Variants in TMEM232 observed in about 807,000 individuals in gnomAD.
TMEM232 encodes transmembrane protein 232.
Under a neutral mutation model 78.8 loss-of-function variants are expected in TMEM232, and 80 were observed. The ratio of observed to expected loss-of-function variants is 1.01; its 90% CI spans 0.85 to 1.22. The LOEUF is 1.22. Ranked by LOEUF, TMEM232 falls within the 50% of genes most tolerant of loss-of-function variation. The pLI is 0.00. For synonymous variants in TMEM232, 297 were observed against 254.3 expected (o/e 1.17, Z -1.60); for missense variants, 881 against 742.2 (o/e 1.19, Z -2.17).
intron 1 of TMEM232, among the ~76,000 whole-genome samples, chr5:110,686,056 T>G (rs1445687554): frequency 6.6e-6 from 1 of 151,998 alleles, no homozygotes; most frequent in Non-Finnish European, 1.5e-5. Flanking sequence ...GTATCAAAAC[T>G]CAATGAAACA....
rs1772231575 is a variant in TMEM232 at position 110,535,607 on chromosome 5, C to T, written c.1456-6772G>A. ...ATAAAATGTTAAAAATTAATGACACCACCAAAAAAGAGCTCCTCCTTTTTT... is the reference window on the plus strand; with the variant it reads ...ATAAAATGTTAAAAATTAATGACACTACCAAAAAAGAGCTCCTCCTTTTTT... On this transcript the variant is annotated intron_variant, in intron 11 of 13. Transcript: ENST00000455884. Among the ~76,000 whole-genome samples, 4 of 152,042 alleles carry T rather than the reference C, an allele frequency of 2.6e-5. No individual in the cohort carries two copies. In the South Asian group the frequency reaches 8.3e-4, roughly 32 times the overall value.
chr5:110,609,859 A>C (rs1781972299), intron 8 of TMEM232, among the ~76,000 whole-genome samples: 1 of 152,100 alleles, frequency 6.6e-6, no homozygotes, highest in South Asian at 2.1e-4. Context: ...GACTAAGGAA[A>C]ATAGATTACA....
chr5:110,659,391 T>A (rs1348359634), intron 2 of TMEM232, among the ~76,000 whole-genome samples: 1 of 152,130 alleles, frequency 6.6e-6, no homozygotes, highest in South Asian at 2.1e-4. Flanking sequence ...TAGACAAACA[T>A]AGATTGTTGG....
At chr5:110,542,536 A>T (rs1302049758) in intron 11 of TMEM232, among the ~76,000 whole-genome samples, 1 of 152,096 alleles carries the variant, frequency 6.6e-6, no homozygotes, top group Non-Finnish European at 1.5e-5. Flanking sequence ...CAGAATGAGA[A>T]TTCCATGATC....
At chr5:110,526,272 T>TA (rs747200050) in intron 12 of TMEM232, among the ~76,000 whole-genome samples, 108 of 144,486 alleles carry the variant, frequency 7.5e-4, no homozygotes, top group Non-Finnish European at 1.1e-3. Context: ...TAAGCAAAAT[T>TA]AAAAAAAAAA....
intron 8 of TMEM232, among the ~76,000 whole-genome samples, chr5:110,611,529 C>T (rs1782278777): frequency 6.6e-6 from 1 of 152,118 alleles, no homozygotes. Flanking sequence ...TCCACCCAGA[C>T]CTATCAGGCG....
chr5:110,511,765 C>T (rs114900544), intron 12 of TMEM232, among the ~76,000 whole-genome samples: 1 of 152,180 alleles, frequency 6.6e-6, no homozygotes, highest in Non-Finnish European at 1.5e-5. Flanking sequence ...CAACCTCAAA[C>T]ACAAACACAT....
At chr5:110,716,459 G>A (rs761416290) in intron 1 of TMEM232, among the ~76,000 whole-genome samples, 20 of 152,098 alleles carry the variant, frequency 1.3e-4, no homozygotes, top group Admixed American at 7.2e-4. Flanking sequence ...ATCTGGTGGC[G>A]ATGGGAGACA....
At chr5:110,453,143 A>G (rs1284670899) in intron 12 of TMEM232, among the ~76,000 whole-genome samples, 2 of 152,254 alleles carry the variant, frequency 1.3e-5, no homozygotes, top group South Asian at 2.1e-4. Flanking sequence ...TTTATCTTAG[A>G]AAGAAAATGA....
At chr5:110,584,303 A>C (rs2149739602) in intron 10 of TMEM232, among the ~76,000 whole-genome samples, 1 of 152,202 alleles carries the variant, frequency 6.6e-6, no homozygotes, top group East Asian at 1.9e-4. Flanking sequence ...ATATAAAATG[A>C]AATATATTCA....
chr5:110,395,897 C>T lies in TMEM232; in HGVS notation n.390+1876G>A, dbSNP rs114382192. The stretch of plus-strand genomic sequence containing the variant: ...TGACTCAAATTTAGGTGAGAGATCT[C>T]GAACTGATGCAACTATCTTACACTA... On this transcript the variant is annotated intron_variant and non_coding_transcript_variant, in intron 3 of 8. Coordinates refer to the TMEM232 transcript ENST00000507188. Among the ~76,000 whole-genome samples, 1,422 of 152,076 alleles carry T rather than the reference C, an allele frequency of 9.4e-3. 25 individuals carry two copies. The highest frequency in any genetic ancestry group is 0.033 in the African/African-American group (1,359 of 41,464).
At chr5:110,541,498 A>G (rs1331498206) in intron 11 of TMEM232, among the ~76,000 whole-genome samples, 2 of 152,180 alleles carry the variant, frequency 1.3e-5, no homozygotes, top group South Asian at 2.1e-4. Flanking sequence ...ATTAACTCAG[A>G]GACTCCAAAG....
intron 12 of TMEM232, among the ~76,000 whole-genome samples, chr5:110,522,230 TTAGTG>T: frequency 6.6e-6 from 1 of 152,284 alleles, no homozygotes; most frequent in Middle Eastern, 3.4e-3. Context: ...TAGCTCACTG[TTAGTG>T]TACAGATATG....
At chr5:110,405,284 C>G (rs541756644) in intron 2 of TMEM232, among the ~76,000 whole-genome samples, 8 of 152,034 alleles carry the variant, frequency 5.3e-5, no homozygotes, top group African/African-American at 1.9e-4. Context: ...CCTTAACTTT[C>G]AAACAGGGGC....
chr5:110,719,184 T>C (rs1193460188), intron 1 of TMEM232, among the ~76,000 whole-genome samples: 6 of 151,844 alleles, frequency 4.0e-5, no homozygotes, highest in Non-Finnish European at 8.8e-5. Flanking sequence ...CATATGTATA[T>C]ACATGTATAT....
chr5:110,465,012 A>C (rs1023224502), intron 12 of TMEM232, among the ~76,000 whole-genome samples: 1 of 152,220 alleles, frequency 6.6e-6, no homozygotes, highest in African/African-American at 2.4e-5. Flanking sequence ...TTAAGGCAGT[A>C]CATCCTTATA....
intron 2 of TMEM232, among the ~76,000 whole-genome samples, chr5:110,414,121 GACTC>G: frequency 6.6e-6 from 1 of 152,314 alleles, no homozygotes; most frequent in East Asian, 1.9e-4. Flanking sequence ...AAAGTCAGAT[GACTC>G]ACTCTTTCGC....
At chr5:110,643,386 T>C (rs1225178140) in intron 2 of TMEM232, among the ~76,000 whole-genome samples, 1 of 152,004 alleles carries the variant, frequency 6.6e-6, no homozygotes, top group East Asian at 1.9e-4. Flanking sequence ...AGCATAGATA[T>C]GGAATTTAAA....
In TMEM232 at chr5:110,420,390, G is replaced by A; in HGVS notation, c.*190C>T. The A allele has an allele frequency of 2.3e-6, 1 of 442,754 alleles. No homozygotes were observed. The allele number at this position is 442,754 out of a possible 1,614,324, so 27.4% of individuals were successfully genotyped here. Reference sequence around the variant, plus strand: ...TTCATTCAAGTGTGATTAAAAGTTGGTCATTAATTTAGAACTAAGAAATAA... The same window carrying A: ...TTCATTCAAGTGTGATTAAAAGTTGATCATTAATTTAGAACTAAGAAATAA... On this transcript the variant is annotated 3_prime_UTR_variant, in exon 14 of 14. Transcript: ENST00000455884.
Sources: allele counts gnomAD v4.1 joint callset (sites outside exome capture counted in the v4.1 genomes callset), GRCh38; gene constraint gnomAD v4.1.1; transcripts MANE v1.5; gene names NCBI Gene and HGNC (gene_info 2026-07-23, HGNC 2026-07-21).